Variants in R3HDM1 observed in about 807,000 individuals in gnomAD.
The protein encoded by R3HDM1 is R3H domain-containing protein 1.
A neutral mutation model predicts 141.1 loss-of-function variants in R3HDM1; 46 were observed. The ratio of observed to expected loss-of-function variants is 0.33; its 90% CI spans 0.26 to 0.42. The LOEUF (loss-of-function observed/expected upper bound fraction) is 0.42. R3HDM1 is among the 10% of genes least tolerant of loss of function. R3HDM1 has a pLI of 1.00. For synonymous variants in R3HDM1, 435 were observed against 472.9 expected (o/e 0.92, Z 1.04); for missense variants, 1,184 against 1,368.3 (o/e 0.87, Z 2.12).
chr2:135,615,261 T>C (rs1414542617), intron 3 of R3HDM1, among the ~76,000 whole-genome samples: 1 of 151,460 alleles, frequency 6.6e-6, no homozygotes, highest in Non-Finnish European at 1.5e-5. Context: ...TTTTTTTTAA[T>C]GTAAAGCATA....
intron 17 of R3HDM1, chr2:135,650,213 C>G: frequency 1.0e-6 from 1 of 975,848 alleles, no homozygotes. Context: ...ATTGTTTAAC[C>G]TTTTCCTGCT....
chr2:135,591,574 A>AT (rs1443808688), intron 1 of R3HDM1, among the ~76,000 whole-genome samples: 8 of 152,238 alleles, frequency 5.3e-5, no homozygotes, highest in Non-Finnish European at 1.2e-4. Context: ...CAACATTATC[A>AT]TGCTATGAAC....
In R3HDM1 at chr2:135,581,414, T is replaced by A. The variant is rs1350834966; in HGVS notation, c.-249-21086T>A. 3 of 981,426 alleles carry A rather than the reference T, an allele frequency of 3.1e-6. No individual in the cohort carries two copies. The African/African-American group carries it at 5.3e-5, about 17-fold the overall frequency. 60.8% of individuals were successfully genotyped at this position (981,426 alleles called of 1,614,324 possible). A position where few individuals can be genotyped will look rare whatever the true frequency, so the allele number is the denominator to read the frequency against. On this transcript the variant is annotated intron_variant, in intron 1 of 26. Coordinates refer to ENST00000683871, the MANE Select transcript of R3HDM1 (RefSeq NM_001378107.1). The stretch of plus-strand genomic sequence containing the variant: ...CTTATTTCTATAATTATCTGTGTAG[T>A]CTTTGAGGCTGGAACTTTGGATACC...
intron 1 of R3HDM1, chr2:135,536,833 C>G (rs1382727349): frequency 2.0e-6 from 1 of 496,192 alleles, no homozygotes; most frequent in African/African-American, 2.1e-5. Flanking sequence ...CCTGTCAGAT[C>G]AGCGGTGGCA....
Position 135,597,053 on chromosome 2 carries a change from G to GT in R3HDM1, c.-249-5446dup, listed in dbSNP as rs2059253381. On this transcript the variant is annotated intron_variant, in intron 1 of 26. Coordinates refer to ENST00000683871, the MANE Select transcript of R3HDM1 (RefSeq NM_001378107.1). Reference sequence around the variant, plus strand: ...TCCACTCAGAATGCAGCACATTCGTGTAACACCTTGCCTCTCCATATAACT... The same window carrying GT: ...TCCACTCAGAATGCAGCACATTCGTGTTAACACCTTGCCTCTCCATATAACT... The GT allele has an allele frequency of 3.0e-6, 3 of 983,630 alleles. No homozygotes were observed. The African/African-American group carries it at 5.2e-5, about 17-fold the overall frequency. The allele number at this position is 983,630 out of a possible 1,614,324, so 60.9% of individuals were successfully genotyped here. A position where few individuals can be genotyped will look rare whatever the true frequency, so the allele number is the denominator to read the frequency against.
At chr2:135,652,495 C>T (rs1348911177) in intron 18 of R3HDM1, among the ~76,000 whole-genome samples, 1 of 152,190 alleles carries the variant, frequency 6.6e-6, no homozygotes, top group Non-Finnish European at 1.5e-5. Context: ...ATTTCTGAAA[C>T]AGACCCCACT....
At chr2:135,658,333 A>T (rs192222905) in intron 18 of R3HDM1, among the ~76,000 whole-genome samples, 10 of 152,078 alleles carry the variant, frequency 6.6e-5, no homozygotes, top group Non-Finnish European at 1.3e-4. Context: ...TGCCCGGCTA[A>T]TTTTTTGTAT....
chr2:135,687,851 C>T (rs2071619070), intron 21 of R3HDM1, among the ~76,000 whole-genome samples: 1 of 152,158 alleles, frequency 6.6e-6, no homozygotes, highest in South Asian at 2.1e-4. Context: ...TTTACAAGAA[C>T]ACTCAGCTGA....
chr2:135,672,123 T>G (rs894035526), intron 19 of R3HDM1, among the ~76,000 whole-genome samples: 2 of 152,230 alleles, frequency 1.3e-5, no homozygotes, highest in Non-Finnish European at 2.9e-5. Context: ...GCGAAGGCAT[T>G]TTTTTAAGTG....
chr2:135,672,114 C>T (rs1292363380), intron 19 of R3HDM1, among the ~76,000 whole-genome samples: 9 of 152,120 alleles, frequency 5.9e-5, no homozygotes, highest in African/African-American at 1.9e-4. Flanking sequence ...AGATTCTTAG[C>T]GAAGGCATTT....
intron 1 of R3HDM1, among the ~76,000 whole-genome samples, chr2:135,545,001 C>T (rs1052411546): frequency 1.3e-5 from 2 of 152,132 alleles, no homozygotes; most frequent in African/African-American, 4.8e-5. Context: ...TGTATTTTCC[C>T]TGTTAAAATT....
chr2:135,677,414 A>G (rs2069389888), intron 20 of R3HDM1, among the ~76,000 whole-genome samples: 1 of 152,112 alleles, frequency 6.6e-6, no homozygotes, highest in South Asian at 2.1e-4. Context: ...GATTGACACC[A>G]AGCCTGAAGC....
intron 24 of R3HDM1, among the ~76,000 whole-genome samples, chr2:135,717,162 A>C (rs1045211824): frequency 2.1e-4 from 32 of 152,286 alleles, no homozygotes; most frequent in African/African-American, 6.5e-4. Flanking sequence ...ATAATCAAAA[A>C]GACGGACAAC....
chr2:135,624,421 C>T (rs1382977390), intron 7 of R3HDM1, among the ~76,000 whole-genome samples: 1 of 148,684 alleles, frequency 6.7e-6, no homozygotes, highest in Non-Finnish European at 1.5e-5. Context: ...AGGAAAGTGA[C>T]AGTAAAGGTA....
At chr2:135,626,212 C>T (rs56067391) in intron 7 of R3HDM1, among the ~76,000 whole-genome samples, 12 of 125,932 alleles carry the variant, frequency 9.5e-5, no homozygotes, top group South Asian at 6.6e-4. Flanking sequence ...TGCGTGCGTG[C>T]TTGCTTGCTT....
chr2:135,639,857 G>A (rs1296967381), intron 14 of R3HDM1, among the ~76,000 whole-genome samples: 1 of 152,186 alleles, frequency 6.6e-6, no homozygotes, highest in Non-Finnish European at 1.5e-5. Context: ...AACACTTTGG[G>A]ATGCCGAGGC....
rs373346581 is a variant in R3HDM1, at chr2:135,536,629, G to A, written c.-250+4996G>A. On this transcript the variant is annotated intron_variant, in intron 1 of 26. Transcript: ENST00000683871. Reference sequence around the variant, plus strand: ...TAACTTGATATTGTCTGATCTAAGCGTTTAAAATAGTGAATTTGACTTGTC... The same window carrying A: ...TAACTTGATATTGTCTGATCTAAGCATTTAAAATAGTGAATTTGACTTGTC... 48 of 897,766 alleles carry A rather than the reference G, an allele frequency of 5.3e-5. No homozygotes were observed. In the East Asian group the frequency reaches 8.3e-4, roughly 16 times the overall value. The allele number at this position is 897,766 out of a possible 1,614,324, so 55.6% of individuals were successfully genotyped here.
At chr2:135,639,737 T>G (rs1157340896) in intron 14 of R3HDM1, among the ~76,000 whole-genome samples, 1 of 152,206 alleles carries the variant, frequency 6.6e-6, no homozygotes, top group African/African-American at 2.4e-5. Flanking sequence ...CTAAAGAAGC[T>G]CATATGTTTT....
In R3HDM1 at chr2:135,550,155, G is replaced by A. The variant is rs966097174; in HGVS notation, c.-250+18522G>A. The A allele has an allele frequency of 1.6e-5, 16 of 983,686 alleles. No individual in the cohort carries two copies. The Admixed American group carries it at 1.8e-4, about 11-fold the overall frequency. The allele number at this position is 983,686 out of a possible 1,614,324, so 60.9% of individuals were successfully genotyped here. A position where few individuals can be genotyped will look rare whatever the true frequency, so the allele number is the denominator to read the frequency against. On this transcript the variant is annotated intron_variant, in intron 1 of 26. Coordinates refer to ENST00000683871, the MANE Select transcript of R3HDM1 (RefSeq NM_001378107.1). ...TTTTGGTTGTCATTCTATGTTACAC[G>A]AACTATTTTTTTACACACTCCACAG...
Sources: gnomAD v4.1 joint callset for allele counts (sites outside exome capture counted in the v4.1 genomes callset) on GRCh38, gnomAD v4.1.1 for gene constraint, MANE v1.5 for transcripts, NCBI Gene and HGNC (gene_info 2026-07-23, HGNC 2026-07-21) for gene names.